Variants in RPGRIP1 observed in about 807,000 individuals in gnomAD.
RPGRIP1 encodes RPGR interacting protein 1, also known as X-linked retinitis pigmentosa GTPase regulator-interacting protein 1.
A neutral mutation model predicts 157.9 loss-of-function variants in RPGRIP1; 128 were observed. The ratio of observed to expected loss-of-function variants is 0.81; its 90% CI spans 0.70 to 0.94. The LOEUF (loss-of-function observed/expected upper bound fraction) is 0.94, where lower values mean the gene tolerates loss of function less well. Ranked by LOEUF, RPGRIP1 falls within the 40% of genes least tolerant of loss-of-function variation. The pLI is 0.00. For missense variants in RPGRIP1, 1,486 were observed against 1,545.8 expected (o/e 0.96, Z 0.65); for synonymous variants, 554 against 571.6 (o/e 0.97, Z 0.44).
intron 23 of RPGRIP1, among the ~76,000 whole-genome samples, chr14:21,347,899 AT>A (rs911610352): frequency 3.3e-5 from 5 of 151,374 alleles, no homozygotes; most frequent in African/African-American, 9.7e-5. Flanking sequence ...CTAATTTTTT[AT>A]TTTTTTTGTA....
At chr14:21,325,181 C>T in intron 15 of RPGRIP1, 51 bp from the exon 16 acceptor site, 1 of 1,554,328 alleles carries the variant, frequency 6.4e-7, no homozygotes, top group South Asian at 1.2e-5. Context: ...TGTTCTTGAT[C>T]CTTGCCACAC....
chr14:21,334,531 A>G (rs1884127924), intron 20 of RPGRIP1, 74 bp from the exon 21 acceptor site: 1 of 954,766 alleles, frequency 1.0e-6, no homozygotes, highest in Admixed American at 2.0e-5. Context: ...TGGATTGGAG[A>G]TGTGTGTGCT....
intron 2 of RPGRIP1, among the ~76,000 whole-genome samples, chr14:21,289,415 G>A (rs535460253): frequency 1.9e-4 from 29 of 152,136 alleles, no homozygotes; most frequent in Non-Finnish European, 3.8e-4. Context: ...GCTGAGGTGG[G>A]AGGATCACTT....
chr14:21,284,692 G>A (rs1172570344), intron 1 of RPGRIP1, among the ~76,000 whole-genome samples: 2 of 151,670 alleles, frequency 1.3e-5, no homozygotes, highest in African/African-American at 4.8e-5. Context: ...TCACTCTGTC[G>A]TGGCACATGT....
intron 24 of RPGRIP1, among the ~76,000 whole-genome samples, chr14:21,349,270 A>G (rs1365933725): frequency 1.3e-5 from 2 of 150,720 alleles, no homozygotes; most frequent in Non-Finnish European, 1.5e-5. Flanking sequence ...GGCTTTCACC[A>G]TGTTGCCCAG....
chr14:21,319,354 GAGT>G (rs1378668844), intron 11 of RPGRIP1, among the ~76,000 whole-genome samples: 1 of 152,114 alleles, frequency 6.6e-6, no homozygotes, highest in Non-Finnish European at 1.5e-5. Context: ...ATGAGGCCAG[GAGT>G]TTCAGACCAG....
intron 10 of RPGRIP1, among the ~76,000 whole-genome samples, chr14:21,316,610 G>T (rs566298772): frequency 6.6e-6 from 1 of 151,932 alleles, no homozygotes; most frequent in East Asian, 2.0e-4. Flanking sequence ...TAGAGACAGG[G>T]TTTCACTATG....
chr14:21,343,086 G>C lies in RPGRIP1; in HGVS notation c.3390G>C (p.Glu1130Asp). Residue 1130 changes from glutamate (E) to aspartate (D), a missense_variant, in exon 22 of 25, where the codon GAG becomes GAC. Transcript: ENST00000400017. ...TTGTCTCCCTGGCCTTCTACCCAGA[G>C]GCAGAAGTGATGTCTGATGAGAACA... is the stretch of plus-strand genomic sequence containing the variant. ...IEIVSLAFYP[E>D]AEVMSDENIK... is the part of the protein sequence containing the mutation. The C allele has an allele frequency of 3.7e-6, 6 of 1,613,744 alleles. No homozygotes were observed. Among genetic ancestry groups the C allele is most frequent in the Non-Finnish European group, 5.1e-6 (6 of 1,179,720 alleles).
chr14:21,330,510 A>G (rs1883640755), intron 20 of RPGRIP1, 123 bp downstream of exon 20: 1 of 663,724 alleles, frequency 1.5e-6, no homozygotes, highest in East Asian at 3.8e-5. Flanking sequence ...TACTAAAAAT[A>G]CAAAAATTAG....
At chr14:21,345,075 A>C in intron 22 of RPGRIP1, 38 bp from the exon 23 acceptor site, 1 of 1,336,660 alleles carries the variant, frequency 7.5e-7, no homozygotes, top group Non-Finnish European at 1.1e-6. Flanking sequence ...CTGCAACAGT[A>C]TATGATTCTT....
chr14:21,348,275 A>AG lies in RPGRIP1; in HGVS notation c.3722dup (p.Asp1242ArgfsTer11). On this transcript the variant is annotated frameshift_variant, in exon 24 of 25. Transcript: ENST00000400017. LOFTEE classifies it high-confidence loss of function. ...ACTGTGGCAGATCCTGGAGTCAGGA[A>AG]GAGATATTCTAGAGCAAGAGCTAGA... The AG allele has an allele frequency of 6.3e-7, 1 of 1,586,358 alleles. No homozygotes were observed. The highest frequency in any genetic ancestry group is 8.6e-7 in the Non-Finnish European group (1 of 1,167,118).
chr14:21,301,336 A>G (rs1420767901), intron 4 of RPGRIP1, 99 bp downstream of exon 4: 4 of 1,309,662 alleles, frequency 3.1e-6, no homozygotes, highest in Non-Finnish European at 3.1e-6. Context: ...CCACCACCCC[A>G]TTTTGTTCTT....
chr14:21,299,021 T>G (rs1215978481), intron 3 of RPGRIP1, among the ~76,000 whole-genome samples: 1 of 148,860 alleles, frequency 6.7e-6, no homozygotes, highest in Non-Finnish European at 1.5e-5. Flanking sequence ...AGTTGGTGAT[T>G]TTTTTTTTTT....
chr14:21,350,490 GATC>G lies in RPGRIP1; in HGVS notation c.3749-611_3749-609del, dbSNP rs201813234. On this transcript the variant is annotated intron_variant, in intron 24 of 24. Transcript: ENST00000400017. ...ATCATGGTATAAAATTATTCTTACT[GATC>G]ATTATAAACATTTTTTGAGGAATAC... Among the ~76,000 whole-genome samples, 703 of 151,996 alleles carry G rather than the reference GATC, an allele frequency of 4.6e-3. 23 individuals carry two copies. Among genetic ancestry groups the G allele is most frequent in the East Asian group, 0.026 (132 of 5,172 alleles).
rs145884379 is a variant in RPGRIP1 at position 21,341,996 on chromosome 14, G to A, written c.3340-1040G>A. On this transcript the variant is annotated intron_variant, in intron 21 of 24. Transcript: ENST00000400017. ...ACCCGGGAAGAAGAGCTTGCTGTGAGCCGAGATCGTGCCACTGCACTCCAG... is the reference window on the plus strand; with the variant it reads ...ACCCGGGAAGAAGAGCTTGCTGTGAACCGAGATCGTGCCACTGCACTCCAG... 5.9e-3 allele frequency among the ~76,000 whole-genome samples: 892 copies of A among 151,628 alleles called. 11 individuals are homozygous for A. Among genetic ancestry groups the A allele is most frequent in the African/African-American group, 0.021 (854 of 41,282 alleles).
At chr14:21,349,422 T>G (rs1200933806) in intron 24 of RPGRIP1, among the ~76,000 whole-genome samples, 1 of 113,354 alleles carries the variant, frequency 8.8e-6, no homozygotes, top group Non-Finnish European at 1.8e-5. Flanking sequence ...TTTTTTGAGA[T>G]GGAGTCTTGC....
At chr14:21,297,859 T>TTCTTTCTTTCTTTCTTTC (rs1880857889) in intron 3 of RPGRIP1, among the ~76,000 whole-genome samples, 1 of 150,490 alleles carries the variant, frequency 6.6e-6, no homozygotes, top group Non-Finnish European at 1.5e-5. Context: ...CTTTCTTTCT[T>TTCTTTCTTTCTTTCTTTC]TCTTTCTTTC....
intron 3 of RPGRIP1, among the ~76,000 whole-genome samples, chr14:21,299,146 G>A (rs1880920884): frequency 1.3e-5 from 2 of 151,962 alleles, no homozygotes; most frequent in South Asian, 4.2e-4. Context: ...CTCCCAAGTA[G>A]CTGGGATTAC....
At position 21,320,020 on chromosome 14, in the gene RPGRIP1, A is replaced by C; in HGVS notation, c.1310A>C (p.Gln437Pro). 1 of 1,610,640 alleles carries C rather than the reference A, an allele frequency of 6.2e-7. No individual in the cohort carries two copies. Among genetic ancestry groups the C allele is most frequent in the Non-Finnish European group, 8.5e-7 (1 of 1,178,348 alleles). Residue 437 changes from glutamine to proline, a missense_variant, in exon 12 of 25, where the codon CAA (glutamine) becomes CCA (proline). By Grantham distance (76) the Gln-to-Pro change is moderately conservative. Transcript: ENST00000400017. ...VLLELSREKA[Q>P]NEDLKLEVTN... ...TTTCTGGATTATTTTTCCCCAGCCC[A>C]AAATGAGGATCTGAAGCTTGAAGTC...
Sources: gnomAD v4.1 joint callset for allele counts (sites outside exome capture counted in the v4.1 genomes callset) on GRCh38, gnomAD v4.1.1 for gene constraint, MANE v1.5 for transcripts, NCBI Gene and HGNC (gene_info 2026-07-23, HGNC 2026-07-21) for gene names.